Variants in PTPRT observed in about 807,000 individuals in gnomAD.
PTPRT encodes protein tyrosine phosphatase receptor type T, also known as receptor-type tyrosine-protein phosphatase T.
A neutral mutation model predicts 176.8 loss-of-function variants in PTPRT; 56 were observed. The observed-to-expected ratio is 0.32, with a 90% confidence interval of 0.26 to 0.40. The LOEUF (loss-of-function observed/expected upper bound fraction) is 0.40. PTPRT is among the 10% of genes least tolerant of loss of function. The pLI is 1.00. For missense variants in PTPRT, 1,540 were observed against 1,908.2 expected (o/e 0.81, Z 3.60); for synonymous variants, 783 against 739.0 (o/e 1.06, Z -0.96).
intron 1 of PTPRT, among the ~76,000 whole-genome samples, chr20:43,096,933 G>A (rs1049446446): frequency 2.6e-5 from 4 of 152,184 alleles, no homozygotes; most frequent in African/African-American, 9.7e-5. Context: ...AGGCAGGATT[G>A]CAAGGATGAA....
chr20:43,160,008 A>G (rs2014647366), intron 1 of PTPRT, among the ~76,000 whole-genome samples: 1 of 151,884 alleles, frequency 6.6e-6, no homozygotes, highest in African/African-American at 2.4e-5. Context: ...CCTGCAAAAA[A>G]AAAAAAAAGA....
At chr20:42,402,018 G>C (rs528685680) in intron 9 of PTPRT, among the ~76,000 whole-genome samples, 1 of 152,118 alleles carries the variant, frequency 6.6e-6, no homozygotes, top group African/African-American at 2.4e-5. Flanking sequence ...ATTTGAAATT[G>C]GTTCGCTCTG....
intron 1 of PTPRT, among the ~76,000 whole-genome samples, chr20:43,111,546 GAAAAAAAAAAAA>G (rs11424029): frequency 1.2e-5 from 1 of 83,448 alleles, no homozygotes; most frequent in Non-Finnish European, 2.3e-5. Context: ...TCCGTCTCAG[GAAAAAAAAAAAA>G]AAAAAAAAAA....
chr20:43,118,204 A>G (rs939481960), intron 1 of PTPRT, among the ~76,000 whole-genome samples: 1 of 152,192 alleles, frequency 6.6e-6, no homozygotes, highest in Non-Finnish European at 1.5e-5. Context: ...TTTAGTCACA[A>G]AAACAGGAGG....
chr20:42,677,462 G>A (rs1238908125), intron 7 of PTPRT, among the ~76,000 whole-genome samples: 2 of 151,948 alleles, frequency 1.3e-5, no homozygotes, highest in African/African-American at 2.4e-5. Context: ...ACACGGCCAG[G>A]GCCCCCAGAG....
At chr20:42,115,043 G>A (rs1568944773) in intron 22 of PTPRT, among the ~76,000 whole-genome samples, 156 bp downstream of exon 22, 1 of 152,122 alleles carries the variant, frequency 6.6e-6, no homozygotes, top group Non-Finnish European at 1.5e-5. Flanking sequence ...GGGATCCCTG[G>A]TAGCAGGACC....
intron 7 of PTPRT, among the ~76,000 whole-genome samples, chr20:42,597,749 A>G (rs1174361860): frequency 6.6e-6 from 1 of 152,132 alleles, no homozygotes; most frequent in Non-Finnish European, 1.5e-5. Flanking sequence ...TTTTCTTTAT[A>G]AATTACCCAG....
At chr20:42,293,369 A>G (rs781635446) in intron 12 of PTPRT, among the ~76,000 whole-genome samples, 3 of 152,176 alleles carry the variant, frequency 2.0e-5, no homozygotes, top group Admixed American at 1.3e-4. Flanking sequence ...ATTAGCTGCA[A>G]CTGACCATTC....
intron 1 of PTPRT, among the ~76,000 whole-genome samples, chr20:42,921,306 G>C (rs1234147395): frequency 1.3e-5 from 2 of 152,180 alleles, no homozygotes; most frequent in African/African-American, 4.8e-5. Context: ...CATCACTTGA[G>C]GCCAGGAGTC....
chr20:42,172,731 A>G (rs964468395), intron 16 of PTPRT, among the ~76,000 whole-genome samples: 2 of 152,122 alleles, frequency 1.3e-5, no homozygotes, highest in African/African-American at 4.8e-5. Context: ...GCTTGTGTGT[A>G]TGTTTAATTT....
intron 1 of PTPRT, among the ~76,000 whole-genome samples, chr20:43,167,190 T>C (rs1347377818): frequency 6.6e-6 from 1 of 152,240 alleles, no homozygotes; most frequent in Admixed American, 6.5e-5. Flanking sequence ...GATACAACTC[T>C]GGCTCCCTCA....
chr20:42,685,700 G>T (rs1356016582), intron 6 of PTPRT: 1 of 151,990 alleles, frequency 6.6e-6, no homozygotes, highest in Non-Finnish European at 1.5e-5. Flanking sequence ...ACATGAAAAC[G>T]CTGACGTTTT....
At chr20:42,758,131 A>C (rs1443095178) in intron 5 of PTPRT, among the ~76,000 whole-genome samples, 2 of 152,198 alleles carry the variant, frequency 1.3e-5, no homozygotes, top group African/African-American at 4.8e-5. Context: ...CTTTAATTTG[A>C]AAACGTTTTT....
At chr20:42,138,665 G>C (rs1988487573) in intron 18 of PTPRT, among the ~76,000 whole-genome samples, 1 of 152,098 alleles carries the variant, frequency 6.6e-6, no homozygotes. Context: ...CTTGCCAACA[G>C]TCGCTGCCCT....
the PTPRT span, among the ~76,000 whole-genome samples, chr20:42,044,731 C>T: frequency 1.3e-5 from 2 of 152,226 alleles, no homozygotes; most frequent in South Asian, 2.1e-4. Context: ...TATTCGCTTT[C>T]GTCTCCCACT....
intron 1 of PTPRT, among the ~76,000 whole-genome samples, chr20:43,045,308 T>C (rs1390518732): frequency 6.6e-6 from 1 of 152,222 alleles, no homozygotes. Context: ...TAACTGGTAC[T>C]GACACAGCCT....
At chr20:42,196,538 C>T (rs1039903838) in intron 16 of PTPRT, among the ~76,000 whole-genome samples, 2 of 152,124 alleles carry the variant, frequency 1.3e-5, no homozygotes, top group East Asian at 1.9e-4. Context: ...TATAGTCACC[C>T]TACAGTACAA....
At chr20:42,675,211 C>G (rs77245575) in intron 7 of PTPRT, among the ~76,000 whole-genome samples, 1,808 of 152,306 alleles carry the variant, frequency 0.012, 28 homozygotes, top group Non-Finnish European at 0.016. Context: ...ACTTCCACAG[C>G]AAACTTCAGG....
At chr20:42,180,016 C>A (rs1600639916) in intron 16 of PTPRT, among the ~76,000 whole-genome samples, 2 of 152,156 alleles carry the variant, frequency 1.3e-5, no homozygotes, top group South Asian at 4.1e-4. Flanking sequence ...CGGGAAGATT[C>A]CTGCAGATAG....
Sources: allele counts gnomAD v4.1 joint callset (sites outside exome capture counted in the v4.1 genomes callset), GRCh38; gene constraint gnomAD v4.1.1; transcripts MANE v1.5; gene names NCBI Gene and HGNC (gene_info 2026-07-23, HGNC 2026-07-21).